The following HIGD2B variants were observed in gnomAD, a reference collection of about 807,000 sequenced individuals.
HIGD2B encodes the protein HIG1 hypoxia inducible domain family member 2B.
For synonymous variants in HIGD2B, 45 were observed against 28.1 expected, an observed-to-expected ratio of 1.60 and a Z score of -1.90; for missense variants, 106 against 67.0, an observed-to-expected ratio of 1.58 and a Z score of -2.03.
intron 2 of HIGD2B, among the ~76,000 whole-genome samples, chr15:72,677,538 G>A (rs929546146): frequency 4.6e-5 from 7 of 152,202 alleles, no homozygotes; most frequent in South Asian, 2.1e-4. Context: ...GAGGCAAGAG[G>A]ATCACTTGAA....
chr15:72,683,928 C>G lies in HIGD2B; in HGVS notation c.-193+1890G>C, dbSNP rs965076641. On this transcript the variant is annotated intron_variant, in intron 1 of 2. Coordinates refer to ENST00000311755, the MANE Select transcript of HIGD2B (RefSeq NM_001350932.3). ...TTTTTTTTTTTGAGACAGTCTTGCTCTGTCTCCCAGGCTGGAGTGCAGTGG... is the reference window on the plus strand; with the variant it reads ...TTTTTTTTTTTGAGACAGTCTTGCTGTGTCTCCCAGGCTGGAGTGCAGTGG... 2.7e-5 allele frequency among the ~76,000 whole-genome samples: 4 copies of G among 146,780 alleles called. No homozygotes were observed. In the East Asian group the frequency reaches 8.0e-4, roughly 29 times the overall value.
intron 1 of HIGD2B, among the ~76,000 whole-genome samples, chr15:72,685,033 T>A (rs1366250531): frequency 6.6e-6 from 1 of 152,078 alleles, no homozygotes; most frequent in South Asian, 2.1e-4. Flanking sequence ...AAAGGCAGAG[T>A]ATTTATCTGA....
In HIGD2B at chr15:72,676,241, T is replaced by C; in HGVS notation, c.134A>G (p.Glu45Gly). ...FKEKFLRKTR[E>G]NPVVPIGFLC... The stretch of plus-strand genomic sequence containing the variant: ...GAAACCTATGGGTACCACCGGATTC[T>C]CGCGGGTCTTGCGAAGGAACTTTTC... Residue 45 changes from glutamate to glycine, a missense_variant, in exon 3 of 3, where the codon GAG becomes GGG. Glu to Gly is a moderately conservative substitution (Grantham distance 98). Coordinates refer to ENST00000311755, the MANE Select transcript of HIGD2B (RefSeq NM_001350932.3). 1 of 767,190 alleles carries C rather than the reference T, an allele frequency of 1.3e-6. No homozygotes were observed. Among genetic ancestry groups the C allele is most frequent in the Non-Finnish European group, 2.4e-6 (1 of 417,714 alleles). The allele number at this position is 767,190 out of a possible 1,614,324, so 47.5% of individuals were successfully genotyped here.
intron 2 of HIGD2B, among the ~76,000 whole-genome samples, chr15:72,679,540 A>G (rs938535162): frequency 4.6e-5 from 7 of 152,150 alleles, no homozygotes; most frequent in African/African-American, 1.7e-4. Flanking sequence ...GAAAATCTCA[A>G]GAGGTTAAAT....
chr15:72,676,406 T>C lies in HIGD2B; in HGVS notation c.-13-19A>G, dbSNP rs575262434. On this transcript the variant is annotated intron_variant, in intron 2 of 2. Coordinates refer to ENST00000311755, the MANE Select transcript of HIGD2B (RefSeq NM_001350932.3). ...GCCACAGCTGCAGGAGAAAATCCTT[T>C]GTTTTTTTTTTTTTTTGAGAAGGAG... The C allele has an allele frequency of 3.0e-6, 2 of 675,098 alleles. No homozygotes were observed. Among genetic ancestry groups the C allele is most frequent in the Non-Finnish European group, 5.3e-6 (2 of 377,684 alleles). 41.8% of individuals were successfully genotyped at this position (675,098 alleles called of 1,614,324 possible). A position where few individuals can be genotyped will look rare whatever the true frequency, so the allele number is the denominator to read the frequency against.
chr15:72,677,473 G>A (rs1306030010), intron 2 of HIGD2B, among the ~76,000 whole-genome samples: 1 of 150,414 alleles, frequency 6.6e-6, no homozygotes, highest in Non-Finnish European at 1.5e-5. Flanking sequence ...TAAATAGGGG[G>A]TCTGGTAGGT....
Position 72,676,132 on chromosome 15 carries a change from G to C in HIGD2B, c.243C>G (p.Thr81=). 1.3e-6 allele frequency: 1 copy of C among 765,598 alleles called. No individual in the cohort carries two copies. Among genetic ancestry groups the C allele is most frequent in the South Asian group, 1.4e-5 (1 of 73,910 alleles). 47.4% of individuals were successfully genotyped at this position (765,598 alleles called of 1,614,324 possible). A position where few individuals can be genotyped will look rare whatever the true frequency, so the allele number is the denominator to read the frequency against. The change falls in exon 3 of 3, where the codon ACC becomes ACG. Residue 81 remains threonine (T), a synonymous_variant. Transcript: ENST00000311755. The part of the protein sequence containing the change: ...NSQCSRLMMH[T]QIAAQGFTIA... ...TGGTGAAGCCCTGGGCGGCGATCTG[G>C]GTGTGCATCATAAGCCGTGAACATT...
chr15:72,678,197 TG>T (rs2064712877), intron 2 of HIGD2B, among the ~76,000 whole-genome samples: 1 of 152,200 alleles, frequency 6.6e-6, no homozygotes, highest in Non-Finnish European at 1.5e-5. Flanking sequence ...AGAGGAAAAC[TG>T]AAGTGCTGAG....
At position 72,676,098 on chromosome 15, in the gene HIGD2B, T is replaced by C. The variant is rs1324918948; in HGVS notation, c.277A>G (p.Ile93Val). Reference sequence around the variant, plus strand: ...GCGGTGGCAGCTAGACCCAGCAAGATGGCTGCAATGGTGAAGCCCTGGGCG... The same window carrying C: ...GCGGTGGCAGCTAGACCCAGCAAGACGGCTGCAATGGTGAAGCCCTGGGCG... Reference protein sequence around the residue: ...IAAQGFTIAAILLGLAATAMK... With the variant: ...IAAQGFTIAAVLLGLAATAMK... The change falls in exon 3 of 3, where the codon ATC (isoleucine) becomes GTC (valine). Residue 93 changes from isoleucine (I) to valine (V), a missense_variant. Physicochemically the swap from Ile to Val is conservative, Grantham distance 29 (BLOSUM62 3). Transcript: ENST00000311755. 1 of 765,224 alleles carries C rather than the reference T, an allele frequency of 1.3e-6. No homozygotes were observed. Among genetic ancestry groups the C allele is most frequent in the Non-Finnish European group, 2.4e-6 (1 of 416,552 alleles). The allele number at this position is 765,224 out of a possible 1,614,324, so 47.4% of individuals were successfully genotyped here. A position where few individuals can be genotyped will look rare whatever the true frequency, so the allele number is the denominator to read the frequency against.
rs796354960 is a variant in HIGD2B, at chr15:72,676,201, G to A, written c.174C>T (p.Ala58=). The change falls in exon 3 of 3, where the codon GCC becomes GCT. Residue 58 remains alanine, a synonymous_variant. Transcript: ENST00000311755. ...AGCAGTAGAGGCCGTTGGTGAGGAC[G>A]GCCGCCGTGCACAGGAAACCTATGG... ...VVPIGFLCTA[A]VLTNGLYCFH... The A allele has an allele frequency of 1.7e-5, 13 of 763,966 alleles. No individual in the cohort carries two copies. The highest frequency in any genetic ancestry group is 1.0e-4 in the African/African-American group (6 of 59,194). 47.3% of individuals were successfully genotyped at this position (763,966 alleles called of 1,614,324 possible).
chr15:72,677,768 A>AT (rs1188705103), intron 2 of HIGD2B, among the ~76,000 whole-genome samples: 20 of 100,486 alleles, frequency 2.0e-4, no homozygotes, highest in Non-Finnish European at 1.0e-4. Flanking sequence ...ATCTCTAAAA[A>AT]TTAAAAAAAA....
intron 2 of HIGD2B, among the ~76,000 whole-genome samples, chr15:72,676,835 G>A (rs2064697943): frequency 6.6e-6 from 1 of 152,170 alleles, no homozygotes; most frequent in Admixed American, 6.5e-5. Context: ...GGAGGTATAT[G>A]TTTATTAAAG....
In HIGD2B at chr15:72,683,378, A is replaced by G. The variant is rs2064769188; in HGVS notation, c.-193+2440T>C. 2.0e-5 allele frequency among the ~76,000 whole-genome samples: 3 copies of G among 152,290 alleles called. No homozygotes were observed. In the South Asian group the frequency reaches 6.2e-4, roughly 32 times the overall value. On this transcript the variant is annotated intron_variant, in intron 1 of 2. Coordinates refer to ENST00000311755, the MANE Select transcript of HIGD2B (RefSeq NM_001350932.3). ...AAGTGGCAAAAAGAATATGTGTTAA[A>G]AGAAAAAATAGGGTAGAAGATAAAA...
chr15:72,678,091 A>G (rs80266952), intron 2 of HIGD2B, among the ~76,000 whole-genome samples: 18 of 152,352 alleles, frequency 1.2e-4, no homozygotes, highest in African/African-American at 4.1e-4. Flanking sequence ...GACAGGAGTT[A>G]CAAGAGGGAA....
Position 72,686,094 on chromosome 15 carries a change from G to T in HIGD2B, c.-469C>A, listed in dbSNP as rs1264416520. On this transcript the variant is annotated 5_prime_UTR_variant, in exon 1 of 3. Coordinates refer to ENST00000311755, the MANE Select transcript of HIGD2B (RefSeq NM_001350932.3). ...TGGAGCAGACCCTAATCCTCCCCCT[G>T]ATTCCTTAGGTCACTCGGCGATTTA... is the stretch of plus-strand genomic sequence containing the variant. 13 of 938,966 alleles carry T rather than the reference G, an allele frequency of 1.4e-5. No homozygotes were observed. Among genetic ancestry groups the T allele is most frequent in the Non-Finnish European group, 2.2e-5 (13 of 603,642 alleles). The allele number at this position is 938,966 out of a possible 1,614,324, so 58.2% of individuals were successfully genotyped here. A position where few individuals can be genotyped will look rare whatever the true frequency, so the allele number is the denominator to read the frequency against.
chr15:72,683,108 A>G (rs1032052077), intron 1 of HIGD2B, among the ~76,000 whole-genome samples: 5 of 152,242 alleles, frequency 3.3e-5, no homozygotes, highest in Non-Finnish European at 7.3e-5. Flanking sequence ...GTTTTTCTAG[A>G]ATGTTTTTTG....
chr15:72,679,516 G>A (rs186927239), intron 2 of HIGD2B, among the ~76,000 whole-genome samples: 78 of 152,242 alleles, frequency 5.1e-4, no homozygotes, highest in Non-Finnish European at 9.6e-4. Context: ...TTTGTGATAG[G>A]ATTTGGGTAG....
At position 72,678,734 on chromosome 15, in the gene HIGD2B, G is replaced by C. The variant is rs79893696; in HGVS notation, c.-14+1281C>G. 7.6e-3 allele frequency among the ~76,000 whole-genome samples: 1,161 copies of C among 152,144 alleles called. 16 individuals carry two copies. The highest frequency in any genetic ancestry group is 0.027 in the African/African-American group (1,103 of 41,526). On this transcript the variant is annotated intron_variant, in intron 2 of 2. Coordinates refer to ENST00000311755, the MANE Select transcript of HIGD2B (RefSeq NM_001350932.3). ...ATAATCTGATCAGGTGCAGTGGTTCGCGCCTGTAATCCCAACACTTTGGGA... is the reference window on the plus strand; with the variant it reads ...ATAATCTGATCAGGTGCAGTGGTTCCCGCCTGTAATCCCAACACTTTGGGA...
At chr15:72,679,777 G>C (rs1192247533) in intron 2 of HIGD2B, among the ~76,000 whole-genome samples, 2 of 152,006 alleles carry the variant, frequency 1.3e-5, no homozygotes, top group African/African-American at 2.4e-5. Flanking sequence ...TGTCCAACAG[G>C]GTTGTCCTGT....
Sources: allele counts gnomAD v4.1 joint callset (sites outside exome capture counted in the v4.1 genomes callset), GRCh38; gene constraint gnomAD v4.1.1; transcripts MANE v1.5; gene names NCBI Gene and HGNC (gene_info 2026-07-23, HGNC 2026-07-21).